DIPK1A: variants seen among roughly 807,000 people sequenced by gnomAD.
DIPK1A encodes divergent protein kinase domain 1A.
In DIPK1A, 27 loss-of-function variants were observed where a neutral mutation model predicts 40.8. The observed-to-expected ratio is 0.66, with a 90% confidence interval of 0.49 to 0.91. The LOEUF (loss-of-function observed/expected upper bound fraction) is 0.91, where lower values mean the gene tolerates loss of function less well. Ranked by LOEUF, DIPK1A falls within the 40% of genes least tolerant of loss-of-function variation. The pLI, the probability that DIPK1A is intolerant of heterozygous loss-of-function variation, is 0.00. For missense variants in DIPK1A, 412 were observed against 505.7 expected (o/e 0.81, Z 1.78); for synonymous variants, 166 against 171.3 (o/e 0.97, Z 0.24).
At chr1:92,897,494 C>T (rs1269132983) in intron 1 of DIPK1A, among the ~76,000 whole-genome samples, 4 of 149,394 alleles carry the variant, frequency 2.7e-5, no homozygotes, top group East Asian at 2.1e-4. Context: ...CATCACACAC[C>T]GGGGCCTGTT....
At chr1:92,917,435 G>A (rs1174637426) in intron 1 of DIPK1A, among the ~76,000 whole-genome samples, 1 of 152,090 alleles carries the variant, frequency 6.6e-6, no homozygotes, top group Non-Finnish European at 1.5e-5. Flanking sequence ...TCATTTAATA[G>A]ACCTGAAATG....
intron 1 of DIPK1A, among the ~76,000 whole-genome samples, chr1:92,958,159 G>C (rs578125652): frequency 6.6e-6 from 1 of 152,300 alleles, no homozygotes; most frequent in South Asian, 2.1e-4. Flanking sequence ...GCTATAAACA[G>C]TGAATAGGTG....
chr1:92,925,507 T>G (rs1486690732), intron 1 of DIPK1A, among the ~76,000 whole-genome samples: 1 of 152,184 alleles, frequency 6.6e-6, no homozygotes, highest in African/African-American at 2.4e-5. Context: ...TTTTTGCTTT[T>G]GTTTTTGAGA....
At chr1:92,903,409 A>G (rs1055831266) in intron 1 of DIPK1A, among the ~76,000 whole-genome samples, 10 of 152,194 alleles carry the variant, frequency 6.6e-5, no homozygotes, top group African/African-American at 2.4e-4. Context: ...TACCTTCTCC[A>G]GCATCCAATT....
intron 2 of DIPK1A, among the ~76,000 whole-genome samples, chr1:92,867,215 CTTTTT>C (rs5776161): frequency 8.0e-6 from 1 of 125,666 alleles, no homozygotes; most frequent in Non-Finnish European, 1.7e-5. Flanking sequence ...TACTCCAATT[CTTTTT>C]TTTTTTTTTT....
At chr1:92,901,195 T>C (rs1440146522) in intron 1 of DIPK1A, among the ~76,000 whole-genome samples, 1 of 151,978 alleles carries the variant, frequency 6.6e-6, no homozygotes, top group Non-Finnish European at 1.5e-5. Context: ...TTGGGGTCCT[T>C]CTATTCTTAT....
chr1:92,894,901 T>A (rs952526397), intron 1 of DIPK1A, among the ~76,000 whole-genome samples: 1 of 152,040 alleles, frequency 6.6e-6, no homozygotes, highest in African/African-American at 2.4e-5. Flanking sequence ...CTAGAAAATC[T>A]GGAAGAAATG....
At chr1:92,902,217 C>T (rs1284878895) in intron 1 of DIPK1A, among the ~76,000 whole-genome samples, 2 of 152,152 alleles carry the variant, frequency 1.3e-5, no homozygotes, top group East Asian at 3.9e-4. Context: ...CCTGAGCAGC[C>T]TAAGTACTGT....
chr1:92,840,975 A>G (rs1687341831), downstream of DIPK1A: 1 of 422,652 alleles, frequency 2.4e-6, no homozygotes, highest in South Asian at 1.9e-5. Context: ...AAGTGATGTG[A>G]TGGCCCACAA....
At chr1:92,924,171 T>C (rs1650388939) in intron 1 of DIPK1A, among the ~76,000 whole-genome samples, 1 of 152,240 alleles carries the variant, frequency 6.6e-6, no homozygotes, top group Non-Finnish European at 1.5e-5. Context: ...TAAAAACAGT[T>C]AATTTTTTAT....
At chr1:92,882,409 C>T (rs1648420102) in intron 1 of DIPK1A, among the ~76,000 whole-genome samples, 1 of 152,002 alleles carries the variant, frequency 6.6e-6, no homozygotes, top group Non-Finnish European at 1.5e-5. Flanking sequence ...ATAAATAAAA[C>T]CCCCAGAATT....
chr1:92,846,792 CATATAT>C (rs1180062565), intron 4 of DIPK1A, among the ~76,000 whole-genome samples: 4 of 16,032 alleles, frequency 2.5e-4, no homozygotes, highest in African/African-American at 4.2e-4. Context: ...CCACTCCTGG[CATATAT>C]ATATATATAT....
chr1:92,863,589 A>AC (rs1553125907), intron 2 of DIPK1A, among the ~76,000 whole-genome samples: 2,463 of 148,826 alleles, frequency 0.017, 96 homozygotes, highest in African/African-American at 0.058. Context: ...AAAAAAAAAA[A>AC]CCCACAAAAA....
rs1481453605 is a variant in DIPK1A at position 92,877,001 on chromosome 1, C to T, written c.55-571G>A. The T allele has an allele frequency of 2.1e-5, 21 of 985,250 alleles. No homozygotes were observed. In the Admixed American group the frequency reaches 5.5e-4, roughly 26 times the overall value. 61.0% of individuals were successfully genotyped at this position (985,250 alleles called of 1,614,324 possible). A position where few individuals can be genotyped will look rare whatever the true frequency, so the allele number is the denominator to read the frequency against. ...CTCTTGTTCAGCGAACCAAATGTTT[C>T]ACCGAATAGATATTCTGGAAACTGA... On this transcript the variant is annotated intron_variant, in intron 1 of 4. Coordinates refer to ENST00000370310, the MANE Select transcript of DIPK1A (RefSeq NM_001006605.5).
downstream of DIPK1A, among the ~76,000 whole-genome samples, chr1:92,840,118 C>CA (rs1295718231): frequency 6.6e-6 from 1 of 151,666 alleles, no homozygotes; most frequent in Non-Finnish European, 1.5e-5. Context: ...CTCCTGGACT[C>CA]ACGTGTAGTC....
chr1:92,952,579 T>A (rs541930734), intron 1 of DIPK1A, among the ~76,000 whole-genome samples: 4 of 152,294 alleles, frequency 2.6e-5, no homozygotes, highest in Admixed American at 2.6e-4. Context: ...TGAGCCATGA[T>A]GACGCCACTG....
intron 1 of DIPK1A, among the ~76,000 whole-genome samples, chr1:92,916,113 G>A (rs2100844902): frequency 6.6e-6 from 1 of 152,140 alleles, no homozygotes; most frequent in South Asian, 2.1e-4. Context: ...GGCTGGGGGA[G>A]GGAGCAATGG....
chr1:92,886,273 A>T (rs1648594927), intron 1 of DIPK1A, among the ~76,000 whole-genome samples: 1 of 152,140 alleles, frequency 6.6e-6, no homozygotes, highest in Admixed American at 6.5e-5. Context: ...TTGAGGCTGC[A>T]GTAAGTGATG....
At chr1:92,863,803 A>G (rs1211926629) in intron 2 of DIPK1A, among the ~76,000 whole-genome samples, 1 of 152,200 alleles carries the variant, frequency 6.6e-6, no homozygotes, top group Non-Finnish European at 1.5e-5. Context: ...CTATAATCTC[A>G]GCACTTTGGG....
Sources: gnomAD v4.1 joint callset for allele counts (sites outside exome capture counted in the v4.1 genomes callset) on GRCh38, gnomAD v4.1.1 for gene constraint, MANE v1.5 for transcripts, NCBI Gene and HGNC (gene_info 2026-07-23, HGNC 2026-07-21) for gene names.